SHROOM3: variants seen among roughly 807,000 people sequenced by gnomAD.
SHROOM3 encodes the protein protein Shroom3.
In SHROOM3, 47 loss-of-function variants were observed where a neutral mutation model predicts 138.6. The ratio of observed to expected loss-of-function variants is 0.34; its 90% CI spans 0.27 to 0.43. The LOEUF is 0.43. Ranked by LOEUF, SHROOM3 falls within the 20% of genes least tolerant of loss-of-function variation. SHROOM3 has a pLI of 1.00. For synonymous variants in SHROOM3, 1,062 were observed against 1,063.3 expected, an observed-to-expected ratio of 1.00 and a Z score of 0.02; for missense variants, 2,491 against 2,596.5, an observed-to-expected ratio of 0.96 and a Z score of 0.88.
At chr4:76,676,257 A>C (rs1316443830) in intron 2 of SHROOM3, among the ~76,000 whole-genome samples, 2 of 152,186 alleles carry the variant, frequency 1.3e-5, no homozygotes, top group African/African-American at 4.8e-5. Flanking sequence ...AAGGGGGACA[A>C]GGAGGATAGC....
chr4:76,454,145 G>A (rs746198999), intron 1 of SHROOM3, among the ~76,000 whole-genome samples: 2 of 152,188 alleles, frequency 1.3e-5, no homozygotes, highest in African/African-American at 4.8e-5. Context: ...CTGGGTTCAA[G>A]CAATTCTCCT....
chr4:76,475,020 C>A (rs950383932), intron 1 of SHROOM3, among the ~76,000 whole-genome samples: 5 of 152,050 alleles, frequency 3.3e-5, no homozygotes, highest in African/African-American at 1.2e-4. Flanking sequence ...TTCATCTCTG[C>A]GTCTTTCCTA....
At chr4:76,714,693 G>A (rs751281973) in intron 3 of SHROOM3, among the ~76,000 whole-genome samples, 18 of 152,076 alleles carry the variant, frequency 1.2e-4, no homozygotes, top group Non-Finnish European at 2.4e-4. Flanking sequence ...TGTTGCCTGT[G>A]ACAACTATTA....
At chr4:76,533,228 C>G (rs962520846) in intron 1 of SHROOM3, among the ~76,000 whole-genome samples, 4 of 152,158 alleles carry the variant, frequency 2.6e-5, no homozygotes, top group Non-Finnish European at 5.9e-5. Context: ...CCTCATATAG[C>G]TGGGTCTTGA....
At chr4:76,709,960 G>A (rs1181794363) in intron 2 of SHROOM3, 196 bp from the exon 3 acceptor site, 9 of 581,566 alleles carry the variant, frequency 1.5e-5, no homozygotes, top group Admixed American at 9.0e-5. Context: ...AGGAAGACAC[G>A]ACACTCAGTA....
intron 1 of SHROOM3, among the ~76,000 whole-genome samples, chr4:76,528,777 C>T (rs1168563573): frequency 6.6e-6 from 1 of 152,170 alleles, no homozygotes; most frequent in Non-Finnish European, 1.5e-5. Context: ...TCATCTTGAA[C>T]TCCTGACCTC....
chr4:76,742,005 C>T lies in SHROOM3; in HGVS notation c.3753+79C>T, dbSNP rs781746595. The T allele has an allele frequency of 3.3e-6, 5 of 1,521,988 alleles. No homozygotes were observed. The South Asian group carries it at 3.5e-5, about 11-fold the overall frequency. 94.3% of individuals were successfully genotyped at this position (1,521,988 alleles called of 1,614,324 possible). On this transcript the variant is annotated intron_variant, in intron 5 of 10. Coordinates refer to ENST00000296043, the MANE Select transcript of SHROOM3 (RefSeq NM_020859.4). ...TTTAGTGGGGCTCCCCAACCCCCCA[C>T]ACTCTCACCCGCTCTCCCAGTTCAG...
chr4:76,556,749 G>T (rs575659821), intron 2 of SHROOM3, among the ~76,000 whole-genome samples: 2 of 152,320 alleles, frequency 1.3e-5, no homozygotes, highest in South Asian at 4.1e-4. Context: ...AAAGTAAGCT[G>T]GTCTTCCATC....
chr4:76,456,777 T>C (rs1216008275), intron 1 of SHROOM3, among the ~76,000 whole-genome samples: 2 of 152,182 alleles, frequency 1.3e-5, no homozygotes, highest in Non-Finnish European at 2.9e-5. Flanking sequence ...TTTAATCACC[T>C]GGGTGCAGGC....
chr4:76,585,593 T>C (rs1734136840), intron 2 of SHROOM3, among the ~76,000 whole-genome samples: 1 of 152,194 alleles, frequency 6.6e-6, no homozygotes, highest in African/African-American at 2.4e-5. Flanking sequence ...TTAGGAAACC[T>C]GTTATGATTT....
At chr4:76,444,590 G>A (rs374820867) in intron 1 of SHROOM3, among the ~76,000 whole-genome samples, 2 of 147,572 alleles carry the variant, frequency 1.4e-5, no homozygotes, top group Admixed American at 6.8e-5. Context: ...TCCACCTCCC[G>A]GGTTCAAGCG....
intron 1 of SHROOM3, among the ~76,000 whole-genome samples, chr4:76,529,541 G>A (rs1264344194): frequency 6.6e-6 from 1 of 152,008 alleles, no homozygotes; most frequent in Non-Finnish European, 1.5e-5. Flanking sequence ...TAGCCAGGAT[G>A]GTCTCGATCT....
Position 76,739,895 on chromosome 4 carries a change from T to C in SHROOM3, c.1722T>C (p.His574=). 1 of 1,614,110 alleles carries C rather than the reference T, an allele frequency of 6.2e-7. No individual in the cohort carries two copies. Among genetic ancestry groups the C allele is most frequent in the South Asian group, 1.1e-5 (1 of 91,084 alleles). The change falls in exon 5 of 11, where the codon CAT becomes CAC. Residue 574 remains histidine (H), a synonymous_variant. Transcript: ENST00000296043. ...ENEEDASLKR[H]LTPPQGNSPH... ...AGGAGGATGCCTCCCTGAAGAGACA[T>C]CTCACACCTCCCCAAGGCAACAGCC...
chr4:76,612,322 A>C (rs1006688574), intron 2 of SHROOM3, among the ~76,000 whole-genome samples: 7 of 152,188 alleles, frequency 4.6e-5, no homozygotes, highest in Non-Finnish European at 8.8e-5. Context: ...TTTAGCCAAA[A>C]AAGATATAAG....
At chr4:76,623,894 C>T (rs1735062309) in intron 2 of SHROOM3, among the ~76,000 whole-genome samples, 1 of 152,144 alleles carries the variant, frequency 6.6e-6, no homozygotes, top group South Asian at 2.1e-4. Flanking sequence ...TACGCCATAA[C>T]TGAGGATTCT....
intron 2 of SHROOM3, among the ~76,000 whole-genome samples, chr4:76,577,003 G>C (rs1431114285): frequency 1.3e-5 from 2 of 152,126 alleles, no homozygotes; most frequent in Non-Finnish European, 2.9e-5. Context: ...TTCATTGAAC[G>C]TAATCCTGGA....
At chr4:76,698,283 A>C (rs1719804949) in intron 2 of SHROOM3, among the ~76,000 whole-genome samples, 2 of 152,220 alleles carry the variant, frequency 1.3e-5, no homozygotes, top group African/African-American at 4.8e-5. Context: ...AAAAAAGTGC[A>C]TGTGAGCTTC....
chr4:76,747,309 T>C (rs575997176), intron 5 of SHROOM3, among the ~76,000 whole-genome samples: 1 of 152,284 alleles, frequency 6.6e-6, no homozygotes, highest in East Asian at 1.9e-4. Context: ...TATAGAAAAT[T>C]AAGTCTTGAC....
At chr4:76,612,489 T>A (rs1734784377) in intron 2 of SHROOM3, among the ~76,000 whole-genome samples, 1 of 152,218 alleles carries the variant, frequency 6.6e-6, no homozygotes, top group Non-Finnish European at 1.5e-5. Context: ...CTAAAGGGAT[T>A]ACTGTCAGAC....
Sources: gnomAD v4.1 joint callset for allele counts (sites outside exome capture counted in the v4.1 genomes callset) on GRCh38, gnomAD v4.1.1 for gene constraint, MANE v1.5 for transcripts, NCBI Gene and HGNC (gene_info 2026-07-23, HGNC 2026-07-21) for gene names.